Variants in EPHA6 observed in about 807,000 individuals in gnomAD.
The protein encoded by EPHA6 is ephrin type-A receptor 6.
A neutral mutation model predicts 112.0 loss-of-function variants in EPHA6; 50 were observed. The observed-to-expected ratio is 0.45, with a 90% CI of 0.36 to 0.56. The LOEUF is 0.56. Ranked by LOEUF, EPHA6 falls within the 20% of genes least tolerant of loss-of-function variation. The pLI is 0.00. For synonymous variants in EPHA6, 529 were observed against 490.7 expected, an observed-to-expected ratio of 1.08 and a Z score of -1.03; for missense variants, 1,280 against 1,417.4, an observed-to-expected ratio of 0.90 and a Z score of 1.56.
At position 97,096,310 on chromosome 3, in the gene EPHA6, T is replaced by C. The variant is rs1003130927; in HGVS notation, c.1114+108317T>C. ...ACACACACATATATATACATGTCTA[T>C]ATCTATATCTATATAGTTGAGTGCC... On this transcript the variant is annotated intron_variant, in intron 3 of 17. Coordinates refer to ENST00000389672, the MANE Select transcript of EPHA6 (RefSeq NM_001080448.3). Among the ~76,000 whole-genome samples the C allele has an allele frequency of 9.8e-4, 149 of 151,842 alleles. 1 individual carries two copies. The highest frequency in any genetic ancestry group is 2.0e-4 in the Admixed American group (3 of 15,192).
intron 5 of EPHA6, among the ~76,000 whole-genome samples, chr3:97,278,016 C>T (rs1014761734): frequency 4.5e-4 from 68 of 152,184 alleles, no homozygotes; most frequent in Admixed American, 4.4e-3. Flanking sequence ...TGCTGTCTAT[C>T]GTTGACCGAA....
chr3:97,143,175 C>T (rs1038572720), intron 3 of EPHA6, among the ~76,000 whole-genome samples: 3 of 151,714 alleles, frequency 2.0e-5, no homozygotes, highest in South Asian at 2.1e-4. Flanking sequence ...GACACACACA[C>T]ACACACCAAA....
At chr3:96,980,921 A>T (rs1396754267) in intron 2 of EPHA6, among the ~76,000 whole-genome samples, 1 of 152,174 alleles carries the variant, frequency 6.6e-6, no homozygotes, top group African/African-American at 2.4e-5. Context: ...ACTTTGCTGA[A>T]GTTGCTTATC....
At position 96,926,171 on chromosome 3, in the gene EPHA6, C is replaced by T. The variant is rs565519548; in HGVS notation, c.450+59282C>T. On this transcript the variant is annotated intron_variant, in intron 2 of 17. Transcript: ENST00000389672. ...CAGAAGGGGAAGCAAGCATGTCTTACATGGCAGCAGGCGAGAGAGTGATTG... is the reference window on the plus strand; with the variant it reads ...CAGAAGGGGAAGCAAGCATGTCTTATATGGCAGCAGGCGAGAGAGTGATTG... 2.0e-5 allele frequency among the ~76,000 whole-genome samples: 3 copies of T among 152,246 alleles called. No homozygotes were observed. In the East Asian group the frequency reaches 5.8e-4, roughly 29 times the overall value.
chr3:96,921,383 A>C (rs1026175198), intron 2 of EPHA6, among the ~76,000 whole-genome samples: 1 of 152,120 alleles, frequency 6.6e-6, no homozygotes, highest in Non-Finnish European at 1.5e-5. Context: ...AGAAAACTTA[A>C]ACATAAACAT....
chr3:97,498,909 A>G (rs534166618), intron 10 of EPHA6, among the ~76,000 whole-genome samples: 1 of 152,324 alleles, frequency 6.6e-6, no homozygotes, highest in African/African-American at 2.4e-5. Context: ...GCTCATGCCA[A>G]AAAGGTTGGG....
intron 2 of EPHA6, among the ~76,000 whole-genome samples, chr3:96,937,669 T>C (rs2040673409): frequency 6.6e-6 from 1 of 152,198 alleles, no homozygotes; most frequent in Non-Finnish European, 1.5e-5. Flanking sequence ...GTTTTAGACA[T>C]GAAGTCCTTG....
At chr3:97,717,878 T>C (rs1209737067) in intron 14 of EPHA6, among the ~76,000 whole-genome samples, 1 of 152,238 alleles carries the variant, frequency 6.6e-6, no homozygotes, top group African/African-American at 2.4e-5. Context: ...ATGTGAATAA[T>C]TTATATGAAA....
intron 2 of EPHA6, among the ~76,000 whole-genome samples, chr3:96,928,203 T>C (rs2040138706): frequency 6.6e-6 from 1 of 152,164 alleles, no homozygotes; most frequent in African/African-American, 2.4e-5. Flanking sequence ...TCAAGTTCTT[T>C]TAGTTGTGAT....
chr3:97,342,703 C>CTCTCTCTCTT (rs1218106611), intron 5 of EPHA6, among the ~76,000 whole-genome samples: 1 of 152,154 alleles, frequency 6.6e-6, no homozygotes, highest in Non-Finnish European at 1.5e-5. Context: ...CCCTCTCTCT[C>CTCTCTCTCTT]TCTCTCTCTT....
intron 2 of EPHA6, among the ~76,000 whole-genome samples, chr3:96,927,678 A>G (rs557196573): frequency 6.9e-4 from 105 of 152,244 alleles, no homozygotes; most frequent in African/African-American, 2.5e-3. Context: ...CATTATCAGC[A>G]TTTTGGTCAA....
chr3:97,655,928 CTT>C (rs2094135598), intron 14 of EPHA6, among the ~76,000 whole-genome samples: 2 of 151,870 alleles, frequency 1.3e-5, no homozygotes, highest in Non-Finnish European at 2.9e-5. Context: ...AGAAAGATCT[CTT>C]AGTCTTTGGC....
Position 97,387,608 on chromosome 3 carries a change from C to A in EPHA6, c.1607-17542C>A, listed in dbSNP as rs535627757. Among the ~76,000 whole-genome samples the A allele has an allele frequency of 3.3e-5, 5 of 152,272 alleles. No individual in the cohort carries two copies. The East Asian group carries it at 9.7e-4, about 29-fold the overall frequency. On this transcript the variant is annotated intron_variant, in intron 5 of 17. Transcript: ENST00000389672. Reference sequence around the variant, plus strand: ...ATCACTATCAGCATTTTGGTCACAACAATTTAACAAGTCTCTAGGAAGTTC... The same window carrying A: ...ATCACTATCAGCATTTTGGTCACAAAAATTTAACAAGTCTCTAGGAAGTTC...
intron 2 of EPHA6, among the ~76,000 whole-genome samples, chr3:96,937,993 CT>C (rs1265805629): frequency 6.6e-6 from 1 of 152,168 alleles, no homozygotes; most frequent in African/African-American, 2.4e-5. Context: ...CAGTACCATG[CT>C]GTTTTGGTTA....
At chr3:97,685,789 G>A (rs1261295355) in intron 14 of EPHA6, among the ~76,000 whole-genome samples, 1 of 152,114 alleles carries the variant, frequency 6.6e-6, no homozygotes, top group African/African-American at 2.4e-5. Flanking sequence ...ATTACTACAG[G>A]TACTTTTAAC....
intron 10 of EPHA6, among the ~76,000 whole-genome samples, chr3:97,494,852 A>G (rs1392113782): frequency 6.6e-6 from 1 of 152,160 alleles, no homozygotes; most frequent in African/African-American, 2.4e-5. Context: ...AACCTCATAA[A>G]TCTTCTTTGT....
At position 97,475,967 on chromosome 3, in the gene EPHA6, C is replaced by A. The variant is rs186847440; in HGVS notation, c.2003+507C>A. On this transcript the variant is annotated intron_variant, in intron 8 of 17. Coordinates refer to ENST00000389672, the MANE Select transcript of EPHA6 (RefSeq NM_001080448.3). Reference sequence around the variant, plus strand: ...CAGTAAATTTAACATAGCAAAAGACCTAAATTTGAATCCTGACTAACTGGT... The same window carrying A: ...CAGTAAATTTAACATAGCAAAAGACATAAATTTGAATCCTGACTAACTGGT... Among the ~76,000 whole-genome samples the A allele has an allele frequency of 4.1e-3, 621 of 151,836 alleles. 4 individuals are homozygous for A. Among genetic ancestry groups the A allele is most frequent in the African/African-American group, 0.014 (563 of 41,428 alleles).
intron 1 of EPHA6, among the ~76,000 whole-genome samples, chr3:96,865,694 C>CAAA (rs57565102): frequency 2.2e-3 from 176 of 81,824 alleles, no homozygotes; most frequent in Middle Eastern, 6.9e-3. Flanking sequence ...AAAAAACAAA[C>CAAA]AAAAAAAAAA....
At chr3:97,100,534 G>A (rs2047374182) in intron 3 of EPHA6, among the ~76,000 whole-genome samples, 1 of 151,770 alleles carries the variant, frequency 6.6e-6, no homozygotes, top group African/African-American at 2.4e-5. Context: ...ACATCATGTA[G>A]CTCTTTAGTA....
Sources: gnomAD v4.1 joint callset for allele counts (sites outside exome capture counted in the v4.1 genomes callset) on GRCh38, gnomAD v4.1.1 for gene constraint, MANE v1.5 for transcripts, NCBI Gene and HGNC (gene_info 2026-07-23, HGNC 2026-07-21) for gene names.